FBXL2: variants seen among roughly 807,000 people sequenced by gnomAD.
The protein encoded by FBXL2 is F-box and leucine rich repeat protein 2.
In FBXL2, 38 loss-of-function variants were observed where a neutral mutation model predicts 69.2. The observed-to-expected ratio is 0.55, with a 90% CI of 0.42 to 0.72. The LOEUF is 0.72. FBXL2 is among the 30% of genes least tolerant of loss of function. FBXL2 has a pLI of 0.00. For synonymous variants in FBXL2, 192 were observed against 201.3 expected, an observed-to-expected ratio of 0.95 and a Z score of 0.39; for missense variants, 354 against 520.3, an observed-to-expected ratio of 0.68 and a Z score of 3.11.
intron 5 of FBXL2, among the ~76,000 whole-genome samples, chr3:33,367,531 T>C (rs2042031943): frequency 6.6e-6 from 1 of 152,178 alleles, no homozygotes; most frequent in Admixed American, 6.6e-5. Context: ...TATTTTAATA[T>C]CTGTAAAATC....
At chr3:33,305,021 A>G (rs1279488705) in intron 2 of FBXL2, among the ~76,000 whole-genome samples, 1 of 151,984 alleles carries the variant, frequency 6.6e-6, no homozygotes, top group Non-Finnish European at 1.5e-5. Context: ...TATTCTCAGT[A>G]TAATCTTTGT....
the FBXL2 span, among the ~76,000 whole-genome samples, chr3:33,415,509 T>C: frequency 6.6e-6 from 1 of 152,330 alleles, no homozygotes; most frequent in South Asian, 2.1e-4. Flanking sequence ...TGAGAACTCA[T>C]GATATATACC....
chr3:33,403,618 CTTTTA>C (rs1216672153), exon 13 of FBXL2: 3 of 151,898 alleles, frequency 2.0e-5, no homozygotes, highest in Non-Finnish European at 2.9e-5. Context: ...TTCTTTCTTT[CTTTTA>C]TATTTTCTGG....
At chr3:33,314,325 C>G (rs996581537) in intron 2 of FBXL2, among the ~76,000 whole-genome samples, 1 of 152,110 alleles carries the variant, frequency 6.6e-6, no homozygotes, top group African/African-American at 2.4e-5. Flanking sequence ...CTCCCCATTT[C>G]CCCTGCTTTC....
At chr3:33,337,904 A>C (rs2039713904) in intron 2 of FBXL2, among the ~76,000 whole-genome samples, 2 of 152,238 alleles carry the variant, frequency 1.3e-5, no homozygotes, top group South Asian at 4.1e-4. Flanking sequence ...AAAACAGCTA[A>C]CTAGGGAAGT....
intron 12 of FBXL2, chr3:33,397,131 G>A (rs375482221): frequency 2.5e-5 from 40 of 1,586,536 alleles, no homozygotes; most frequent in African/African-American, 4.1e-5. Flanking sequence ...TTAATAAGTC[G>A]GCACCTAGAG....
At chr3:33,337,855 A>C (rs1472312878) in intron 2 of FBXL2, among the ~76,000 whole-genome samples, 1 of 152,206 alleles carries the variant, frequency 6.6e-6, no homozygotes, top group African/African-American at 2.4e-5. Context: ...AGAACGCAAT[A>C]CTGTTCACAA....
chr3:33,295,867 A>T (rs76064184), intron 1 of FBXL2, among the ~76,000 whole-genome samples: 4 of 152,164 alleles, frequency 2.6e-5, no homozygotes, highest in Admixed American at 2.6e-4. Context: ...CCATTTACAT[A>T]TCTTCTTTGC....
intron 5 of FBXL2, among the ~76,000 whole-genome samples, chr3:33,365,123 T>C (rs2041867977): frequency 6.6e-6 from 1 of 152,202 alleles, no homozygotes; most frequent in Non-Finnish European, 1.5e-5. Flanking sequence ...TTTTACTAAT[T>C]GATAAAATAA....
intron 1 of FBXL2, among the ~76,000 whole-genome samples, chr3:33,290,013 C>T (rs1053675572): frequency 4.6e-5 from 7 of 152,102 alleles, no homozygotes; most frequent in Non-Finnish European, 7.4e-5. Flanking sequence ...AGAGAGATCT[C>T]CTCAAGGCAC....
rs2034076314 is a variant in FBXL2, at chr3:33,282,102, T to C, written c.3+4587T>C. On this transcript the variant is annotated intron_variant, in intron 1 of 14. Coordinates refer to ENST00000484457, the MANE Select transcript of FBXL2 (RefSeq NM_012157.5). ...TTTGTTGCCATTGCTTTTGGTGTTT[T>C]AGTCACGAAGTCCTTGCCCATGCCT... 2.0e-5 allele frequency among the ~76,000 whole-genome samples: 3 copies of C among 152,236 alleles called. No homozygotes were observed. The South Asian group carries it at 6.2e-4, about 32-fold the overall frequency.
At chr3:33,390,623 C>T (rs767182245), downstream of FBXL2, 2 of 540,906 alleles carry the variant, frequency 3.7e-6, no homozygotes, top group Non-Finnish European at 6.7e-6. Context: ...TCTGCCAGTT[C>T]TGGGGGTAGG....
At chr3:33,380,223 CAA>C (rs71632598) in intron 13 of FBXL2, among the ~76,000 whole-genome samples, 15 of 69,168 alleles carry the variant, frequency 2.2e-4, no homozygotes, top group African/African-American at 2.1e-4. Context: ...GACTCTGTCT[CAA>C]AAAAAAAAAA....
chr3:33,398,665 T>C lies in FBXL2; in HGVS notation n.1215-4569T>C, dbSNP rs549644138. 5.9e-5 allele frequency among the ~76,000 whole-genome samples: 9 copies of C among 152,220 alleles called. No homozygotes were observed. The East Asian group carries it at 1.7e-3, about 29-fold the overall frequency. Reference sequence around the variant, plus strand: ...ACTTTCTTGGAAGAAGCCCCCAGGATAAGGAAAAGGCAGAAGGCCACGCCA... The same window carrying C: ...ACTTTCTTGGAAGAAGCCCCCAGGACAAGGAAAAGGCAGAAGGCCACGCCA... On this transcript the variant is annotated intron_variant and non_coding_transcript_variant, in intron 12 of 12. Coordinates refer to the FBXL2 transcript ENST00000463736.
Position 33,400,042 on chromosome 3 carries a change from G to A in FBXL2, n.1215-3192G>A, listed in dbSNP as rs114865972. On this transcript the variant is annotated intron_variant and non_coding_transcript_variant, in intron 12 of 12. Transcript: ENST00000463736. ...AAAATACAAGATATTCCTATTGGGG[G>A]ATAGATATAAAGAACTTCTCTGTAC... 3.5e-3 allele frequency: 1,562 copies of A among 447,530 alleles called. 5 individuals are homozygous for A. The highest frequency in any genetic ancestry group is 4.3e-3 in the Non-Finnish European group (1,125 of 263,770). 27.7% of individuals were successfully genotyped at this position (447,530 alleles called of 1,614,324 possible). A position where few individuals can be genotyped will look rare whatever the true frequency, so the allele number is the denominator to read the frequency against.
intron 1 of FBXL2, among the ~76,000 whole-genome samples, chr3:33,292,722 G>A (rs1320117869): frequency 2.0e-5 from 3 of 151,860 alleles, no homozygotes; most frequent in Non-Finnish European, 2.9e-5. Flanking sequence ...GTAGACACTG[G>A]CAGAATGGAT....
downstream of FBXL2, among the ~76,000 whole-genome samples, chr3:33,407,436 T>C (rs1016916499): frequency 1.3e-5 from 2 of 151,972 alleles, no homozygotes; most frequent in Non-Finnish European, 2.9e-5. Context: ...CTAAGAACCA[T>C]TGGTGGGTCT....
chr3:33,357,884 G>T (rs1480363626), intron 2 of FBXL2, among the ~76,000 whole-genome samples: 1 of 152,080 alleles, frequency 6.6e-6, no homozygotes, highest in Non-Finnish European at 1.5e-5. Context: ...TCTATCCTTT[G>T]CTTTTCACTA....
chr3:33,396,965 T>C (rs1287245329), intron 12 of FBXL2: 2 of 1,325,046 alleles, frequency 1.5e-6, no homozygotes, highest in Non-Finnish European at 2.2e-6. Flanking sequence ...CAACCTAGCG[T>C]GGAAACACAT....
Sources: gnomAD v4.1 joint callset for allele counts (sites outside exome capture counted in the v4.1 genomes callset) on GRCh38, gnomAD v4.1.1 for gene constraint, MANE v1.5 for transcripts, NCBI Gene and HGNC (gene_info 2026-07-23, HGNC 2026-07-21) for gene names.